LIPJ: variants seen among roughly 807,000 people sequenced by gnomAD.
LIPJ encodes lipase member J.
In LIPJ, 33 loss-of-function variants were observed where a neutral mutation model predicts 39.8. The observed-to-expected ratio is 0.83, with a 90% CI of 0.63 to 1.11. LIPJ has a LOEUF of 1.11. Ranked by LOEUF, LIPJ falls within the 50% of genes least tolerant of loss-of-function variation. LIPJ has a pLI of 0.00. For synonymous variants in LIPJ, 128 were observed against 139.2 expected (o/e 0.92, Z 0.57); for missense variants, 422 against 427.9 (o/e 0.99, Z 0.12).
At chr10:88,604,085 A>G (rs1032915259) in intron 9 of LIPJ, among the ~76,000 whole-genome samples, 1 of 152,204 alleles carries the variant, frequency 6.6e-6, no homozygotes, top group Non-Finnish European at 1.5e-5. Context: ...TCAACTTTAA[A>G]AACTATTATA....
chr10:88,583,028 C>G, upstream of LIPJ: 2 of 1,593,156 alleles, frequency 1.3e-6, no homozygotes, highest in Non-Finnish European at 1.7e-6. Flanking sequence ...CAGCAGCCTG[C>G]CCGGCAGTCC....
upstream of LIPJ, chr10:88,583,834 T>C (rs1476050046): frequency 5.4e-6 from 3 of 551,832 alleles, no homozygotes; most frequent in African/African-American, 6.2e-5. Context: ...TAAAGACAGT[T>C]GATTCATCAG....
chr10:88,606,785 A>G, exon 11 of LIPJ: 1 of 1,613,308 alleles, frequency 6.2e-7, no homozygotes, highest in Non-Finnish European at 8.5e-7. Context: ...ACATTCTGAA[A>G]TCACAAACCA....
upstream of LIPJ, among the ~76,000 whole-genome samples, chr10:88,586,068 A>C (rs190834118): frequency 6.6e-6 from 1 of 152,306 alleles, no homozygotes; most frequent in East Asian, 1.9e-4. Context: ...TGTATACAGC[A>C]TCGTTTTTGC....
intron 8 of LIPJ, among the ~76,000 whole-genome samples, chr10:88,598,960 ATAATATAT>A (rs1483180507): frequency 1.0e-4 from 4 of 39,580 alleles, no homozygotes; most frequent in Non-Finnish European, 1.4e-4. Flanking sequence ...ATTTAATAAT[ATAATATAT>A]TATATTATTA....
At chr10:88,594,205 T>A in intron 5 of LIPJ, 61 bp downstream of exon 5, 2 of 1,242,646 alleles carry the variant, frequency 1.6e-6, no homozygotes, top group Non-Finnish European at 2.2e-6. Flanking sequence ...TCATTTTGAA[T>A]GCAATAAAAT....
chr10:88,613,396 T>G, the LIPJ span, among the ~76,000 whole-genome samples: 1 of 151,800 alleles, frequency 6.6e-6, no homozygotes, highest in East Asian at 1.9e-4. Context: ...TAAGTGGTTG[T>G]AGAGAACAGA....
the LIPJ span, among the ~76,000 whole-genome samples, chr10:88,621,690 A>G: frequency 6.6e-6 from 1 of 152,194 alleles, no homozygotes; most frequent in South Asian, 2.1e-4. Context: ...CCTGACCTAA[A>G]AAAAAAGTAT....
rs1027453872 is a variant in LIPJ at position 88,606,960 on chromosome 10, A to G, written c.*53A>G. ...TCTACATCATTCCTAATGAAATCCA[A>G]TTCTTATTTTTTTTTACCTGTGTAT... On this transcript the variant is annotated 3_prime_UTR_variant, in exon 11 of 11. Transcript: ENST00000371939. 7.2e-6 allele frequency: 10 copies of G among 1,383,280 alleles called. No individual in the cohort carries two copies. The African/African-American group carries it at 7.2e-5, about 10-fold the overall frequency. 85.7% of individuals were successfully genotyped at this position (1,383,280 alleles called of 1,614,324 possible). A position where few individuals can be genotyped will look rare whatever the true frequency, so the allele number is the denominator to read the frequency against.
chr10:88,583,625 GGAA>G (rs1411003080), upstream of LIPJ: 7 of 989,704 alleles, frequency 7.1e-6, no homozygotes, highest in East Asian at 1.1e-4. Context: ...TTTGAAAGTG[GGAA>G]GAAGAATTTA....
intron 8 of LIPJ, among the ~76,000 whole-genome samples, chr10:88,598,069 A>T (rs1267877673): frequency 6.6e-6 from 1 of 151,960 alleles, no homozygotes; most frequent in African/African-American, 2.4e-5. Flanking sequence ...TTGTAATATG[A>T]CTGTGTCTTA....
At chr10:88,611,596 A>G (rs949901294), downstream of LIPJ, among the ~76,000 whole-genome samples, 5 of 152,240 alleles carry the variant, frequency 3.3e-5, no homozygotes, top group African/African-American at 1.2e-4. Flanking sequence ...GAAATCAAGG[A>G]CACACTTAGA....
At chr10:88,588,638 T>C (rs1850989345) in intron 2 of LIPJ, among the ~76,000 whole-genome samples, 1 of 151,938 alleles carries the variant, frequency 6.6e-6, no homozygotes, top group Non-Finnish European at 1.5e-5. Flanking sequence ...CAAGTATTGC[T>C]TTTGTTTCAA....
intron 4 of LIPJ, chr10:88,593,297 T>C (rs536678594): frequency 6.6e-6 from 1 of 151,946 alleles, no homozygotes; most frequent in East Asian, 1.9e-4. Flanking sequence ...GAGGCTAAAA[T>C]TGTGAGAACA....
rs374852836 is a variant in LIPJ at position 88,591,555 on chromosome 10, C to T, written c.130+57C>T. ...ATCTGGGGCCTGAAGTTCTTAATTG[C>T]TCCAATTGACGGAGAACATAGGACA... is the stretch of plus-strand genomic sequence containing the variant. On this transcript the variant is annotated intron_variant, in intron 4 of 10. Coordinates refer to ENST00000371939, the Ensembl canonical transcript of LIPJ. 238 of 1,454,496 alleles carry T rather than the reference C, an allele frequency of 1.6e-4. 2 individuals carry two copies. In the African/African-American group the frequency reaches 3.0e-3, roughly 18 times the overall value. 90.1% of individuals were successfully genotyped at this position (1,454,496 alleles called of 1,614,324 possible). A position where few individuals can be genotyped will look rare whatever the true frequency, so the allele number is the denominator to read the frequency against.
downstream of LIPJ, among the ~76,000 whole-genome samples, chr10:88,608,320 A>C (rs973641035): frequency 1.3e-5 from 2 of 152,218 alleles, no homozygotes; most frequent in Admixed American, 6.5e-5. Context: ...CTGGTGGAGG[A>C]TGTTGTTAAC....
exon 9 of LIPJ, chr10:88,602,643 G>A (rs1851534723): frequency 6.4e-7 from 1 of 1,571,740 alleles, no homozygotes; most frequent in East Asian, 2.3e-5. Context: ...CTTCATTGGA[G>A]TCAGGTATAA....
chr10:88,594,721 G>A, exon 6 of LIPJ: 1 of 1,574,164 alleles, frequency 6.4e-7, no homozygotes, highest in Non-Finnish European at 8.6e-7. Context: ...TCACTGTGAA[G>A]CAAACCAGAC....
At chr10:88,615,627 CA>C in the LIPJ span, among the ~76,000 whole-genome samples, 1,653 of 24,210 alleles carry the variant, frequency 0.068, 17 homozygotes, top group African/African-American at 0.21. Context: ...GACTCCACCT[CA>C]AAAAAAAAAA....
Sources: allele counts gnomAD v4.1 joint callset (sites outside exome capture counted in the v4.1 genomes callset), GRCh38; gene constraint gnomAD v4.1.1; transcripts MANE v1.5; gene names NCBI Gene and HGNC (gene_info 2026-07-23, HGNC 2026-07-21).